The following GRID2 variants were observed in gnomAD, a reference collection of about 807,000 sequenced individuals.
GRID2 encodes glutamate receptor ionotropic, delta-2.
A neutral mutation model predicts 114.8 loss-of-function variants in GRID2; 33 were observed. The observed-to-expected ratio is 0.29, with a 90% CI of 0.22 to 0.38. The LOEUF (loss-of-function observed/expected upper bound fraction) is 0.38, where lower values mean the gene tolerates loss of function less well. GRID2 is among the 10% of genes least tolerant of loss of function. GRID2 has a pLI of 1.00. For missense variants in GRID2, 1,184 were observed against 1,257.7 expected (o/e 0.94, Z 0.89); for synonymous variants, 505 against 449.9 (o/e 1.12, Z -1.55).
At chr4:93,133,075 C>T (rs1043592519) in intron 4 of GRID2, among the ~76,000 whole-genome samples, 29 of 152,082 alleles carry the variant, frequency 1.9e-4, no homozygotes, top group South Asian at 2.1e-4. Flanking sequence ...TATTTATTTT[C>T]GAGAAGGAAA....
chr4:92,578,369 T>C (rs994689835), intron 1 of GRID2, among the ~76,000 whole-genome samples: 5 of 146,466 alleles, frequency 3.4e-5, no homozygotes, highest in African/African-American at 7.6e-5. Flanking sequence ...ACATGAAGTG[T>C]TTGGTTTTTT....
intron 2 of GRID2, among the ~76,000 whole-genome samples, chr4:92,805,805 G>GA (rs1026493342): frequency 2.0e-5 from 3 of 151,276 alleles, no homozygotes. Context: ...TTAAAAGAAA[G>GA]AAAAAAAAGT....
intron 2 of GRID2, among the ~76,000 whole-genome samples, chr4:92,609,414 T>A (rs1246291913): frequency 2.0e-5 from 3 of 151,152 alleles, no homozygotes; most frequent in Non-Finnish European, 4.4e-5. Context: ...TAAAGACAAT[T>A]CCAGATTGAA....
At chr4:93,325,553 A>G (rs898085571) in intron 8 of GRID2, among the ~76,000 whole-genome samples, 1 of 151,762 alleles carries the variant, frequency 6.6e-6, no homozygotes, top group African/African-American at 2.4e-5. Flanking sequence ...TTAATTTTCT[A>G]TTTTGTTATA....
intron 3 of GRID2, among the ~76,000 whole-genome samples, chr4:93,107,045 A>G (rs1170202811): frequency 6.6e-6 from 1 of 152,186 alleles, no homozygotes; most frequent in Non-Finnish European, 1.5e-5. Flanking sequence ...TATGCCTGTA[A>G]TCCAAGCACT....
At chr4:93,210,201 G>T (rs998203462) in intron 5 of GRID2, among the ~76,000 whole-genome samples, 3 of 151,720 alleles carry the variant, frequency 2.0e-5, no homozygotes, top group South Asian at 2.1e-4. Context: ...GTTTTCCAGG[G>T]TTTTTATAGT....
intron 2 of GRID2, among the ~76,000 whole-genome samples, chr4:92,662,039 G>A (rs1011205189): frequency 6.6e-5 from 10 of 150,994 alleles, no homozygotes; most frequent in Non-Finnish European, 1.5e-5. Context: ...TGTCTTAGTT[G>A]ATAATGGATA....
chr4:92,362,140 A>C (rs953940615), intron 1 of GRID2, among the ~76,000 whole-genome samples: 14 of 152,088 alleles, frequency 9.2e-5, no homozygotes, highest in Non-Finnish European at 1.8e-4. Flanking sequence ...ATAGGAGCCA[A>C]ACAATACAAT....
chr4:93,028,834 A>G (rs1186633695), intron 2 of GRID2, among the ~76,000 whole-genome samples: 1 of 152,092 alleles, frequency 6.6e-6, no homozygotes, highest in African/African-American at 2.4e-5. Flanking sequence ...AGGATCTGTA[A>G]GAATAATAAC....
In GRID2 at chr4:93,681,181, G is replaced by C. The variant is rs890828546; in HGVS notation, c.2360+54746G>C. ...CATGAGTGAACTCCCATTCACAATT[G>C]CTTCAAAGAGAATAAAATACCTAGG... On this transcript the variant is annotated intron_variant, in intron 14 of 15. Coordinates refer to ENST00000282020, the MANE Select transcript of GRID2 (RefSeq NM_001510.4). Among the ~76,000 whole-genome samples, 5 of 151,370 alleles carry C rather than the reference G, an allele frequency of 3.3e-5. 1 individual carries two copies. The highest frequency in any genetic ancestry group is 7.4e-5 in the Non-Finnish European group (5 of 67,940).
chr4:93,131,945 G>A (rs905131922), intron 4 of GRID2, among the ~76,000 whole-genome samples: 4 of 152,014 alleles, frequency 2.6e-5, no homozygotes, highest in Admixed American at 2.0e-4. Context: ...TCTCAGTATT[G>A]TTATATCTGT....
intron 2 of GRID2, among the ~76,000 whole-genome samples, chr4:92,896,118 T>G (rs1382219297): frequency 6.6e-6 from 1 of 152,212 alleles, no homozygotes; most frequent in Non-Finnish European, 1.5e-5. Flanking sequence ...ATAATTGTGC[T>G]GAGGTTTATA....
intron 2 of GRID2, among the ~76,000 whole-genome samples, chr4:92,696,842 C>T (rs1355113067): frequency 6.6e-6 from 1 of 152,132 alleles, no homozygotes; most frequent in Non-Finnish European, 1.5e-5. Context: ...AGCTGAGCCT[C>T]TTGTTACCTT....
intron 14 of GRID2, among the ~76,000 whole-genome samples, chr4:93,743,569 A>G: frequency 6.6e-6 from 1 of 152,182 alleles, no homozygotes; most frequent in Middle Eastern, 3.2e-3. Flanking sequence ...TCATGGTGGA[A>G]GGTGAAGAGG....
chr4:92,783,787 G>A (rs545589765), intron 2 of GRID2, among the ~76,000 whole-genome samples: 56 of 152,080 alleles, frequency 3.7e-4, no homozygotes, highest in Non-Finnish European at 7.2e-4. Flanking sequence ...TATGGAGGCT[G>A]AGAAGGGAGG....
rs1282743247 is a variant in GRID2, at chr4:92,905,514, G to T, written c.245-179481G>T. Reference sequence around the variant, plus strand: ...TGATTGAATTTTTCAATAGATAATTGTTCTGATGTTTGAAATGTTCTGGAA... The same window carrying T: ...TGATTGAATTTTTCAATAGATAATTTTTCTGATGTTTGAAATGTTCTGGAA... On this transcript the variant is annotated intron_variant, in intron 2 of 15. Transcript: ENST00000282020. 2.6e-5 allele frequency among the ~76,000 whole-genome samples: 4 copies of T among 151,934 alleles called. 1 individual carries two copies. Among genetic ancestry groups the T allele is most frequent in the Non-Finnish European group, 5.9e-5 (4 of 67,936 alleles).
chr4:92,971,944 A>G (rs535223928), intron 2 of GRID2, among the ~76,000 whole-genome samples: 7 of 152,242 alleles, frequency 4.6e-5, no homozygotes, highest in African/African-American at 1.7e-4. Flanking sequence ...TCTGCTGATT[A>G]ACACTTAGGT....
chr4:92,685,315 G>A (rs746563038), intron 2 of GRID2, among the ~76,000 whole-genome samples: 22 of 152,068 alleles, frequency 1.4e-4, no homozygotes, highest in South Asian at 4.1e-4. Flanking sequence ...GGAATTTCCC[G>A]TGCCCAGGTA....
chr4:93,796,041 C>G (rs867029342), intron 1 of GRID2, among the ~76,000 whole-genome samples: 34 of 152,200 alleles, frequency 2.2e-4, no homozygotes, highest in African/African-American at 8.2e-4. Flanking sequence ...GACAGAGGCC[C>G]CTATTCTCTT....
Sources: gnomAD v4.1 joint callset for allele counts (sites outside exome capture counted in the v4.1 genomes callset) on GRCh38, gnomAD v4.1.1 for gene constraint, MANE v1.5 for transcripts, NCBI Gene and HGNC (gene_info 2026-07-23, HGNC 2026-07-21) for gene names.